Variants in ILDR2 observed in about 807,000 individuals in gnomAD.
ILDR2 encodes immunoglobulin like domain containing receptor 2.
Under a neutral mutation model 66.8 loss-of-function variants are expected in ILDR2, and 25 were observed. That is an observed-to-expected ratio of 0.37 (90% CI 0.27 to 0.52). The LOEUF (loss-of-function observed/expected upper bound fraction) is 0.52. Ranked by LOEUF, ILDR2 falls within the 20% of genes least tolerant of loss-of-function variation. ILDR2 has a pLI of 0.88. For missense variants in ILDR2, 827 were observed against 876.8 expected (o/e 0.94, Z 0.72); for synonymous variants, 367 against 357.2 (o/e 1.03, Z -0.31).
In ILDR2 at chr1:166,909,774, T is replaced by TAA. The variant is rs1304881983; in HGVS notation, c.*9580_*9581insTT. On this transcript the variant is annotated 3_prime_UTR_variant, in exon 10 of 10. Transcript: ENST00000271417. Reference sequence around the variant, plus strand: ...ATATATATATAAATATATATAAATATATATATTTATATATATATATATATA... The same window carrying TAA: ...ATATATATATAAATATATATAAATATAAATATATTTATATATATATATATATA... 2.8e-5 allele frequency: 1 copy of TAA among 35,450 alleles called. No homozygotes were observed. The highest frequency in any genetic ancestry group is 3.4e-4 in the Admixed American group (1 of 2,920). The allele number at this position is 35,450 out of a possible 1,614,324, so 2.2% of individuals were successfully genotyped here.
At chr1:166,964,006 A>G (rs1370557664) in intron 1 of ILDR2, among the ~76,000 whole-genome samples, 1 of 152,176 alleles carries the variant, frequency 6.6e-6, no homozygotes, top group Non-Finnish European at 1.5e-5. Context: ...CCTATAAACT[A>G]AAGCAGGTAT....
rs1659434343 is a variant in ILDR2, at chr1:166,909,784, TATATATATA to T, written c.*9562_*9570del. 1 of 82,246 alleles carries T rather than the reference TATATATATA, an allele frequency of 1.2e-5. No homozygotes were observed. Among genetic ancestry groups the T allele is most frequent in the South Asian group, 4.4e-4 (1 of 2,272 alleles). 5.1% of individuals were successfully genotyped at this position (82,246 alleles called of 1,614,324 possible). A position where few individuals can be genotyped will look rare whatever the true frequency, so the allele number is the denominator to read the frequency against. On this transcript the variant is annotated 3_prime_UTR_variant, in exon 10 of 10. Transcript: ENST00000271417. ...AAATATATATAAATATATATATTTA[TATATATATA>T]TATATATATATATCCTTCTAGCTTT...
rs1323103647 is a variant in ILDR2 at position 166,936,646 on chromosome 1, G to A, written c.648C>T (p.Cys216=). 6.2e-7 allele frequency: 1 copy of A among 1,614,002 alleles called. No homozygotes were observed. Among genetic ancestry groups the A allele is most frequent in the Admixed American group, 1.7e-5 (1 of 60,028 alleles). ...ICWCQCCPHS[C]CCYVRCPCCP... is the part of the protein sequence containing the mutation. ...AGCATGGGCAGCGGACATAGCAGCAGCAGCTGTGAGGGCAGCACTGGCACC... is the reference window on the plus strand; with the variant it reads ...AGCATGGGCAGCGGACATAGCAGCAACAGCTGTGAGGGCAGCACTGGCACC... The change falls in exon 5 of 10, where the codon TGC becomes TGT. Residue 216 remains cysteine (C), a synonymous_variant. Coordinates refer to ENST00000271417, the MANE Select transcript of ILDR2 (RefSeq NM_199351.3). The surrounding 1 kb of genome is among the most constrained non-coding windows in gnomAD (Gnocchi z 5.0).
chr1:166,954,096 T>G (rs1211171962), intron 3 of ILDR2, among the ~76,000 whole-genome samples: 1 of 152,218 alleles, frequency 6.6e-6, no homozygotes, highest in Non-Finnish European at 1.5e-5. Context: ...AGTCCACTTT[T>G]GCTAGACCAA....
At chr1:166,930,824 T>G (rs1313540405) in intron 6 of ILDR2, among the ~76,000 whole-genome samples, 3 of 152,228 alleles carry the variant, frequency 2.0e-5, no homozygotes, top group African/African-American at 7.2e-5. Context: ...TTTTCTTGAT[T>G]TGACAGCAAA....
chr1:166,933,316 C>T (rs1660748301), intron 6 of ILDR2, among the ~76,000 whole-genome samples: 1 of 152,218 alleles, frequency 6.6e-6, no homozygotes, highest in African/African-American at 2.4e-5. Flanking sequence ...GAGAATACCA[C>T]TTTCAATCTC....
At chr1:166,952,361 T>C (rs1373253511) in intron 3 of ILDR2, among the ~76,000 whole-genome samples, 1 of 152,210 alleles carries the variant, frequency 6.6e-6, no homozygotes, top group African/African-American at 2.4e-5. Flanking sequence ...CTAAGATACC[T>C]GTCACTGTCA....
rs1179094544 is a variant in ILDR2, at chr1:166,975,412, C to A, written c.-144G>T. 1 of 241,974 alleles carries A rather than the reference C, an allele frequency of 4.1e-6. No individual in the cohort carries two copies. Among genetic ancestry groups the A allele is most frequent in the African/African-American group, 2.4e-5 (1 of 42,456 alleles). 15.0% of individuals were successfully genotyped at this position (241,974 alleles called of 1,614,324 possible). On this transcript the variant is annotated 5_prime_UTR_variant, in exon 1 of 10. Transcript: ENST00000271417. Reference sequence around the variant, plus strand: ...TGGGCGCAGCGCCCGCCGGGCCGGCCGCGCAGGCGGGGCCGGGGGCTGGAT... The same window carrying A: ...TGGGCGCAGCGCCCGCCGGGCCGGCAGCGCAGGCGGGGCCGGGGGCTGGAT...
At chr1:166,932,438 T>C (rs950699873) in intron 6 of ILDR2, among the ~76,000 whole-genome samples, 1 of 152,190 alleles carries the variant, frequency 6.6e-6, no homozygotes, top group Non-Finnish European at 1.5e-5. Context: ...TTTTTGTGAA[T>C]TGTTGTATTT....
At chr1:166,932,414 T>C (rs1660690879) in intron 6 of ILDR2, among the ~76,000 whole-genome samples, 2 of 152,178 alleles carry the variant, frequency 1.3e-5, no homozygotes, top group South Asian at 2.1e-4. Context: ...AAGCAACATC[T>C]GAGGACCACA....
chr1:166,941,146 G>C (rs1661292446), intron 3 of ILDR2, among the ~76,000 whole-genome samples: 1 of 152,218 alleles, frequency 6.6e-6, no homozygotes, highest in African/African-American at 2.4e-5. Flanking sequence ...ATGGGGACCA[G>C]AGTATATTCC....
chr1:166,948,191 C>A (rs1232277821), intron 3 of ILDR2, among the ~76,000 whole-genome samples: 1 of 152,112 alleles, frequency 6.6e-6, no homozygotes, highest in Non-Finnish European at 1.5e-5. Flanking sequence ...CCCCAACCCT[C>A]TGGATCTTCT....
At chr1:166,939,662 G>A (rs1326690383) in intron 3 of ILDR2, 92 bp from the exon 4 acceptor site, 12 of 1,015,912 alleles carry the variant, frequency 1.2e-5, no homozygotes, top group Admixed American at 3.7e-5. Flanking sequence ...CCATCCACAC[G>A]TGCGGCCATT....
chr1:166,936,734 C>T lies in ILDR2; in HGVS notation c.560G>A (p.Trp187Ter). 1 of 1,614,022 alleles carries T rather than the reference C, an allele frequency of 6.2e-7. No homozygotes were observed. The highest frequency in any genetic ancestry group is 8.5e-7 in the Non-Finnish European group (1 of 1,179,982). The change falls in exon 5 of 10, where the codon TGG (tryptophan) becomes TAG (stop). Residue 187 changes from tryptophan to a stop codon, truncating the protein, a stop_gained. Transcript: ENST00000271417. LOFTEE classifies it high-confidence loss of function. This position sits in a 1 kb window ranked among gnomAD's most constrained non-coding sequence, Gnocchi z 5.0. Reference sequence around the variant, plus strand: ...CAGGAGCACCAGGCCAACAAACACCCACTCTGGAAGGATGCACAAAGAAAT... The same window carrying T: ...CAGGAGCACCAGGCCAACAAACACCTACTCTGGAAGGATGCACAAAGAAAT... Reference protein sequence around the residue: ...PSFAVEIMPEWVFVGLVLLGV... With the variant: ...PSFAVEIMPE
chr1:166,973,145 C>T (rs1171037272), intron 1 of ILDR2, among the ~76,000 whole-genome samples: 1 of 152,158 alleles, frequency 6.6e-6, no homozygotes, highest in Non-Finnish European at 1.5e-5. Flanking sequence ...AAAGAATCCC[C>T]AGCCATCTGA....
At chr1:166,907,052 C>G (rs1310200410), downstream of ILDR2, 1 of 152,234 alleles carries the variant, frequency 6.6e-6, no homozygotes, top group African/African-American at 2.4e-5. Context: ...TCACCACTTA[C>G]AATTCTTACA....
rs1408932791 is a variant in ILDR2, at chr1:166,973,607, A to ACC, written c.46+1614_46+1615dup. On this transcript the variant is annotated intron_variant, in intron 1 of 9. Transcript: ENST00000271417. Reference sequence around the variant, plus strand: ...TGTAAAGAGCACCTCTGACTCAGGGACCCCTCCCCCCCCCCCCCGATGCCT... The same window carrying ACC: ...TGTAAAGAGCACCTCTGACTCAGGGACCCCCCTCCCCCCCCCCCCCGATGCCT... Among the ~76,000 whole-genome samples the ACC allele has an allele frequency of 6.3e-3, 289 of 45,668 alleles. 3 individuals are homozygous for ACC. The highest frequency in any genetic ancestry group is 9.3e-3 in the South Asian group (9 of 970). 30.0% of individuals were successfully genotyped at this position (45,668 alleles called of 152,430 possible).
chr1:166,920,825 T>C lies in ILDR2; in HGVS notation c.1766A>G (p.Asp589Gly). The C allele has an allele frequency of 6.6e-7, 1 of 1,521,204 alleles. No homozygotes were observed. The highest frequency in any genetic ancestry group is 8.8e-7 in the Non-Finnish European group (1 of 1,137,612). 94.2% of individuals were successfully genotyped at this position (1,521,204 alleles called of 1,614,324 possible). A position where few individuals can be genotyped will look rare whatever the true frequency, so the allele number is the denominator to read the frequency against. ...SQDDQEDASD[D>G]ALPPYSELEL... ...CAGCTCGCTGTAGGGCGGCAGCGCG[T>C]CGTCGGACGCGTCCTCCTGGTCGTC... Residue 589 changes from aspartate to glycine, a missense_variant, in exon 9 of 10, where the codon GAC (aspartate) becomes GGC (glycine). Physicochemically the swap from Asp to Gly is moderately conservative, Grantham distance 94. This residue lies in a region of ILDR2 where 390 missense variants were observed against 353.6 expected (regional missense o/e 1.10). Coordinates refer to ENST00000271417, the MANE Select transcript of ILDR2 (RefSeq NM_199351.3).
intron 1 of ILDR2, among the ~76,000 whole-genome samples, chr1:166,967,614 G>A (rs756728836): frequency 4.6e-5 from 7 of 152,168 alleles, no homozygotes; most frequent in South Asian, 2.1e-4. Context: ...AAAATTAGCC[G>A]AGCATGGTGA....
Sources: gnomAD v4.1 joint callset for allele counts (sites outside exome capture counted in the v4.1 genomes callset) on GRCh38, gnomAD v4.1.1 for gene constraint, gnomAD v4.1.1 regional missense constraint, Gnocchi (gnomAD v3.1) non-coding constraint, MANE v1.5 for transcripts, NCBI Gene and HGNC (gene_info 2026-07-23, HGNC 2026-07-21) for gene names.